FHL5: variants seen among roughly 807,000 people sequenced by gnomAD.
The protein encoded by FHL5 is four and a half LIM domains protein 5.
FHL5 carries 33 observed loss-of-function variants against 32.0 expected under a neutral mutation model. That is an observed-to-expected ratio of 1.03 (90% CI 0.78 to 1.38). FHL5 has a LOEUF of 1.38. Ranked by LOEUF, FHL5 falls within the 40% of genes most tolerant of loss-of-function variation. FHL5 has a pLI of 0.00. For missense variants in FHL5, 336 were observed against 343.9 expected, an observed-to-expected ratio of 0.98 and a Z score of 0.18; for synonymous variants, 114 against 113.6, an observed-to-expected ratio of 1.00 and a Z score of -0.02.
At chr6:96,592,370 G>A (rs148643428) in intron 1 of FHL5, among the ~76,000 whole-genome samples, 40 of 152,234 alleles carry the variant, frequency 2.6e-4, no homozygotes, top group African/African-American at 8.7e-4. Context: ...GCTCTGTTCC[G>A]CCCAGCTCAC....
chr6:96,593,470 G>A (rs560991829), intron 1 of FHL5, among the ~76,000 whole-genome samples: 2 of 152,016 alleles, frequency 1.3e-5, no homozygotes, highest in African/African-American at 2.4e-5. Context: ...GAATTCCAAG[G>A]TTATCTTAAT....
intron 1 of FHL5, among the ~76,000 whole-genome samples, chr6:96,603,400 C>T (rs1453755357): frequency 1.3e-5 from 2 of 151,984 alleles, no homozygotes; most frequent in African/African-American, 4.8e-5. Flanking sequence ...ATACAGGGAA[C>T]TGCCAAGATG....
At chr6:96,596,329 C>G (rs1411938384) in intron 1 of FHL5, among the ~76,000 whole-genome samples, 1 of 152,036 alleles carries the variant, frequency 6.6e-6, no homozygotes, top group Admixed American at 6.5e-5. Flanking sequence ...ATTCCTTAGG[C>G]GTGTGTTTTT....
intron 1 of FHL5, among the ~76,000 whole-genome samples, chr6:96,570,683 A>T (rs991321255): frequency 1.3e-5 from 2 of 152,046 alleles, no homozygotes; most frequent in Non-Finnish European, 2.9e-5. Flanking sequence ...ACTCATTTTC[A>T]TTCTTATTTC....
intron 4 of FHL5, 29 bp from the exon 5 acceptor site, chr6:96,610,543 G>T (rs1198659573): frequency 6.4e-7 from 1 of 1,565,120 alleles, no homozygotes; most frequent in Non-Finnish European, 8.8e-7. Context: ...GGCTCCCATG[G>T]TCATTGCCTT....
rs1439111101 is a variant in FHL5 at position 96,616,996 on chromosome 6, C to A, written c.*1224C>A. On this transcript the variant is annotated 3_prime_UTR_variant, in exon 6 of 6. Transcript: ENST00000450218. ...ATCTCCTGCATAACCAGGAGGTGCA[C>A]TCCTAACCCTAAGCAACTGTCCTAT... Among the ~76,000 whole-genome samples the A allele has an allele frequency of 1.3e-5, 2 of 152,058 alleles. No homozygotes were observed. The highest frequency in any genetic ancestry group is 2.4e-5 in the African/African-American group (1 of 41,406).
At chr6:96,597,693 C>T (rs1017450229) in intron 1 of FHL5, among the ~76,000 whole-genome samples, 1 of 152,154 alleles carries the variant, frequency 6.6e-6, no homozygotes, top group Admixed American at 6.5e-5. Context: ...GAATACAGTA[C>T]TTACTGTTTT....
chr6:96,600,088 G>A (rs182686238), intron 1 of FHL5, among the ~76,000 whole-genome samples: 69 of 152,240 alleles, frequency 4.5e-4, no homozygotes, highest in African/African-American at 1.5e-3. Context: ...TGACAAAGAG[G>A]AGGAAAAAGT....
At position 96,604,925 on chromosome 6, in the gene FHL5, G is replaced by T; in HGVS notation, c.334+1G>T. On this transcript the variant is annotated splice_donor_variant, in intron 3 of 5. Coordinates refer to ENST00000450218, the MANE Select transcript of FHL5 (RefSeq NM_001322466.2). LOFTEE classifies it high-confidence loss of function. ...CACTGCAAGAGGACCATCATGCCTG[G>T]TAGGGTCTCAAGGGGGCTCCTGTCT... The T allele has an allele frequency of 6.3e-7, 1 of 1,598,398 alleles. No homozygotes were observed. The highest frequency in any genetic ancestry group is 1.3e-5 in the African/African-American group (1 of 74,452).
rs143776713 is a variant in FHL5 at position 96,605,021 on chromosome 6, T to C, written c.334+97T>C. On this transcript the variant is annotated intron_variant, in intron 3 of 5. Coordinates refer to ENST00000450218, the MANE Select transcript of FHL5 (RefSeq NM_001322466.2). Reference sequence around the variant, plus strand: ...AGTGCAGCAGCTCCCAAAACCCTGGTTTTGAGAAAGATATCTTTCTTACTC... The same window carrying C: ...AGTGCAGCAGCTCCCAAAACCCTGGCTTTGAGAAAGATATCTTTCTTACTC... 27 of 822,274 alleles carry C rather than the reference T, an allele frequency of 3.3e-5. No homozygotes were observed. The African/African-American group carries it at 4.0e-4, about 12-fold the overall frequency. The allele number at this position is 822,274 out of a possible 1,614,324, so 50.9% of individuals were successfully genotyped here.
At chr6:96,573,665 G>T (rs1027672724) in intron 1 of FHL5, among the ~76,000 whole-genome samples, 2 of 151,172 alleles carry the variant, frequency 1.3e-5, no homozygotes, top group Non-Finnish European at 2.9e-5. Flanking sequence ...GGGACTACAG[G>T]TGCCCGCCAA....
chr6:96,607,841 A>T (rs1424707910), intron 4 of FHL5, among the ~76,000 whole-genome samples: 1 of 151,946 alleles, frequency 6.6e-6, no homozygotes, highest in African/African-American at 2.4e-5. Flanking sequence ...AAAGTTTAAA[A>T]ATTAGCCAAG....
intron 1 of FHL5, among the ~76,000 whole-genome samples, chr6:96,590,180 TA>T: frequency 6.6e-6 from 1 of 151,970 alleles, no homozygotes; most frequent in African/African-American, 2.4e-5. Flanking sequence ...AATTAGCTTG[TA>T]AAAAAATAAC....
At chr6:96,570,665 AATTC>A (rs1770457373) in intron 1 of FHL5, among the ~76,000 whole-genome samples, 1 of 152,278 alleles carries the variant, frequency 6.6e-6, no homozygotes, top group African/African-American at 2.4e-5. Context: ...GTCTTATAGG[AATTC>A]TTCACTCATT....
chr6:96,591,142 T>C (rs191114304), intron 1 of FHL5, among the ~76,000 whole-genome samples: 1 of 152,268 alleles, frequency 6.6e-6, no homozygotes, highest in East Asian at 1.9e-4. Flanking sequence ...TTGGTTTGTG[T>C]GAGATTGCTG....
intron 1 of FHL5, among the ~76,000 whole-genome samples, chr6:96,569,147 T>C (rs928978371): frequency 6.6e-6 from 1 of 152,038 alleles, no homozygotes; most frequent in Non-Finnish European, 1.5e-5. Context: ...TGTGTTTCTA[T>C]TTTCATTTGT....
intron 1 of FHL5, among the ~76,000 whole-genome samples, chr6:96,583,815 T>G (rs982204785): frequency 2.0e-5 from 3 of 152,170 alleles, no homozygotes; most frequent in African/African-American, 7.2e-5. Context: ...CTAGCTGTTA[T>G]GCTCCGTCCT....
At chr6:96,578,406 G>A (rs1054232614) in intron 1 of FHL5, among the ~76,000 whole-genome samples, 2 of 152,112 alleles carry the variant, frequency 1.3e-5, no homozygotes, top group African/African-American at 2.4e-5. Flanking sequence ...TAACCAAAAC[G>A]AGAAATGTAA....
At chr6:96,598,115 C>T (rs1034185842) in intron 1 of FHL5, among the ~76,000 whole-genome samples, 1 of 152,174 alleles carries the variant, frequency 6.6e-6, no homozygotes, top group Non-Finnish European at 1.5e-5. Context: ...CCTGCTTCCA[C>T]ACCCATTCTG....
Sources: gnomAD v4.1 joint callset for allele counts (sites outside exome capture counted in the v4.1 genomes callset) on GRCh38, gnomAD v4.1.1 for gene constraint, MANE v1.5 for transcripts, NCBI Gene and HGNC (gene_info 2026-07-23, HGNC 2026-07-21) for gene names.